Variants in NELL1 observed in about 807,000 individuals in gnomAD.
The protein encoded by NELL1 is protein kinase C-binding protein NELL1.
NELL1 carries 76 observed loss-of-function variants against 107.4 expected under a neutral mutation model. That is an observed-to-expected ratio of 0.71 (90% CI 0.59 to 0.86). The LOEUF (loss-of-function observed/expected upper bound fraction) is 0.86. Among genes scored for constraint, NELL1 ranks in the 40% least tolerant of loss-of-function variants. NELL1 has a pLI of 0.00. For synonymous variants in NELL1, 353 were observed against 341.2 expected, an observed-to-expected ratio of 1.03 and a Z score of -0.38; for missense variants, 1,024 against 1,005.5, an observed-to-expected ratio of 1.02 and a Z score of -0.25.
intron 18 of NELL1, 58 bp from the exon 19 acceptor site, chr11:21,573,127 T>G (rs944601990): frequency 5.3e-6 from 7 of 1,315,890 alleles, no homozygotes; most frequent in Admixed American, 5.2e-5. Context: ...TCTATGACTT[T>G]GGGAATAAAA....
intron 2 of NELL1, among the ~76,000 whole-genome samples, chr11:20,689,768 C>G (rs554096618): frequency 3.3e-5 from 5 of 151,618 alleles, no homozygotes; most frequent in Non-Finnish European, 5.9e-5. Context: ...GTCTTTATAG[C>G]AGCATGATTT....
chr11:20,965,113 A>G (rs1205284485), intron 12 of NELL1, among the ~76,000 whole-genome samples: 1 of 152,156 alleles, frequency 6.6e-6, no homozygotes, highest in Non-Finnish European at 1.5e-5. Context: ...TTTTTAATAG[A>G]GCAAGCATTG....
intron 14 of NELL1, among the ~76,000 whole-genome samples, chr11:21,369,941 A>C (rs1484482490): frequency 6.6e-6 from 1 of 152,142 alleles, no homozygotes; most frequent in Non-Finnish European, 1.5e-5. Flanking sequence ...AGCATCTGCT[A>C]TGTGAATACA....
At chr11:21,168,096 T>C (rs1048822261) in intron 13 of NELL1, among the ~76,000 whole-genome samples, 2 of 151,816 alleles carry the variant, frequency 1.3e-5, no homozygotes, top group Admixed American at 6.6e-5. Context: ...TCTCACTATA[T>C]AAGAAAATAT....
rs1853307562 is a variant in NELL1 at position 21,044,413 on chromosome 11, A to G, written c.1301-69176A>G. On this transcript the variant is annotated intron_variant, in intron 12 of 19. Coordinates refer to ENST00000357134, the MANE Select transcript of NELL1 (RefSeq NM_006157.5). ...TTAAAAGTAAGAATGTGGAGAAAGCATGTTAAGCAACGCATTTGAGAAGTT... is the reference window on the plus strand; with the variant it reads ...TTAAAAGTAAGAATGTGGAGAAAGCGTGTTAAGCAACGCATTTGAGAAGTT... Among the ~76,000 whole-genome samples, 2 of 152,178 alleles carry G rather than the reference A, an allele frequency of 1.3e-5. 1 individual carries two copies. Among genetic ancestry groups the G allele is most frequent in the South Asian group, 4.1e-4 (2 of 4,838 alleles).
At chr11:20,793,966 A>G (rs916462779) in intron 3 of NELL1, among the ~76,000 whole-genome samples, 1 of 152,242 alleles carries the variant, frequency 6.6e-6, no homozygotes, top group Non-Finnish European at 1.5e-5. Flanking sequence ...CTTTATATGT[A>G]GCAACTTTGA....
chr11:20,773,685 A>T (rs1207862645), intron 2 of NELL1: 1 of 151,848 alleles, frequency 6.6e-6, no homozygotes, highest in Non-Finnish European at 1.5e-5. Flanking sequence ...TTTAGTAGAG[A>T]TGGGGTTTTG....
rs534318787 is a variant in NELL1, at chr11:21,301,207, G to C, written c.1550-69646G>C. On this transcript the variant is annotated intron_variant, in intron 14 of 19. Coordinates refer to ENST00000357134, the MANE Select transcript of NELL1 (RefSeq NM_006157.5). ...GTGAATAGTGCCACAATAAACATAC[G>C]TGTGCATGTGTCTTTATAGCAGCAT... Among the ~76,000 whole-genome samples, 5 of 152,144 alleles carry C rather than the reference G, an allele frequency of 3.3e-5. No homozygotes were observed. In the East Asian group the frequency reaches 9.7e-4, roughly 29 times the overall value.
At chr11:21,196,047 G>C (rs116233235) in intron 13 of NELL1, among the ~76,000 whole-genome samples, 2 of 152,182 alleles carry the variant, frequency 1.3e-5, no homozygotes, top group Non-Finnish European at 2.9e-5. Context: ...TCTACATCTT[G>C]TGTGTATGAT....
intron 12 of NELL1, among the ~76,000 whole-genome samples, chr11:20,973,876 T>C (rs554576441): frequency 2.0e-5 from 3 of 152,356 alleles, no homozygotes; most frequent in African/African-American, 7.2e-5. Context: ...CTTTTGATGC[T>C]GACACCTGGC....
Position 20,727,057 on chromosome 11 carries a change from C to A in NELL1, c.184+48997C>A, listed in dbSNP as rs544304291. Among the ~76,000 whole-genome samples, 330 of 152,180 alleles carry A rather than the reference C, an allele frequency of 2.2e-3. 1 individual carries two copies. Among genetic ancestry groups the A allele is most frequent in the African/African-American group, 7.6e-3 (316 of 41,540 alleles). ...TTGTGAATAGTGCCGCAATAAACCTCTGTGTGCATGTGTCTTTATAGTAGC... is the reference window on the plus strand; with the variant it reads ...TTGTGAATAGTGCCGCAATAAACCTATGTGTGCATGTGTCTTTATAGTAGC... On this transcript the variant is annotated intron_variant, in intron 2 of 19. Transcript: ENST00000357134.
intron 12 of NELL1, among the ~76,000 whole-genome samples, chr11:21,089,403 T>C (rs1376519000): frequency 6.6e-6 from 1 of 152,228 alleles, no homozygotes; most frequent in East Asian, 1.9e-4. Flanking sequence ...GAAAAATAAT[T>C]GTGGATGAAT....
intron 3 of NELL1, among the ~76,000 whole-genome samples, chr11:20,788,076 T>C (rs1454470096): frequency 1.3e-5 from 2 of 152,258 alleles, no homozygotes; most frequent in African/African-American, 4.8e-5. Flanking sequence ...TTACATTGTT[T>C]GGATATAATA....
intron 15 of NELL1, among the ~76,000 whole-genome samples, chr11:21,426,150 T>A (rs1240939007): frequency 6.6e-6 from 1 of 152,192 alleles, no homozygotes; most frequent in African/African-American, 2.4e-5. Context: ...TTTAAATGAT[T>A]CTACTCTATA....
intron 15 of NELL1, among the ~76,000 whole-genome samples, chr11:21,379,875 A>C (rs992044169): frequency 6.6e-6 from 1 of 152,062 alleles, no homozygotes; most frequent in African/African-American, 2.4e-5. Flanking sequence ...ATTTTGAGAG[A>C]TCCCTATCAG....
At chr11:21,284,313 A>G (rs774436669) in intron 14 of NELL1, 9 of 457,258 alleles carry the variant, frequency 2.0e-5, no homozygotes, top group South Asian at 1.2e-4. Flanking sequence ...GAGTATAGCA[A>G]TCTGGAGCAT....
intron 4 of NELL1, among the ~76,000 whole-genome samples, chr11:20,882,928 T>G (rs920541565): frequency 4.2e-4 from 64 of 152,372 alleles, no homozygotes; most frequent in African/African-American, 1.5e-3. Context: ...AAGCAGTTAT[T>G]TTGTGGACTG....
intron 12 of NELL1, among the ~76,000 whole-genome samples, chr11:20,998,423 G>A (rs1271653462): frequency 6.6e-6 from 1 of 151,966 alleles, no homozygotes; most frequent in Non-Finnish European, 1.5e-5. Context: ...CCCTTCTGAA[G>A]TTTCTTTTGC....
intron 14 of NELL1, among the ~76,000 whole-genome samples, chr11:21,256,984 T>A (rs1858786373): frequency 6.6e-6 from 1 of 151,974 alleles, no homozygotes; most frequent in Admixed American, 6.6e-5. Flanking sequence ...CCCAAATTTA[T>A]CTCACTCAGG....
Sources: gnomAD v4.1 joint callset for allele counts (sites outside exome capture counted in the v4.1 genomes callset) on GRCh38, gnomAD v4.1.1 for gene constraint, MANE v1.5 for transcripts, NCBI Gene and HGNC (gene_info 2026-07-23, HGNC 2026-07-21) for gene names.